NUP88: variants seen among roughly 807,000 people sequenced by gnomAD.
NUP88 encodes the protein nuclear pore complex protein Nup88.
NUP88 carries 57 observed loss-of-function variants against 93.9 expected under a neutral mutation model. That is an observed-to-expected ratio of 0.61 (90% CI 0.49 to 0.76). The LOEUF is 0.76. NUP88 is among the 30% of genes least tolerant of loss of function. The pLI is 0.00. For synonymous variants in NUP88, 346 were observed against 336.8 expected (o/e 1.03, Z -0.30); for missense variants, 911 against 901.0 (o/e 1.01, Z -0.14).
intron 8 of NUP88, among the ~76,000 whole-genome samples, chr17:5,398,949 C>G (rs1435807007): frequency 4.2e-5 from 6 of 143,080 alleles, no homozygotes; most frequent in South Asian, 2.3e-4. Context: ...AGTGCAGTGG[C>G]GTGATCTTGG....
At chr17:5,391,526 CAA>C in intron 10 of NUP88, 33 bp downstream of exon 10, 1 of 1,533,742 alleles carries the variant, frequency 6.5e-7, no homozygotes, top group Non-Finnish European at 9.0e-7. Context: ...GCAGAATTAA[CAA>C]GAGCTGTGTG....
At position 5,398,622 on chromosome 17, in the gene NUP88, G is replaced by A. The variant is rs1365645737; in HGVS notation, c.1291+930C>T. ...TTTTTTTTTTTTGAGACAGAGTCTC[G>A]CTCTGTCGCCTGGGCTGGAGTGCAG... On this transcript the variant is annotated intron_variant, in intron 8 of 16. Transcript: ENST00000573584. 2.4e-4 allele frequency among the ~76,000 whole-genome samples: 35 copies of A among 147,412 alleles called. 1 individual carries two copies. The highest frequency in any genetic ancestry group is 2.2e-3 in the Admixed American group (32 of 14,672).
At chr17:5,394,819 C>T (rs575579512) in intron 9 of NUP88, 72 bp downstream of exon 9, 47 of 1,015,560 alleles carry the variant, frequency 4.6e-5, no homozygotes, top group African/African-American at 3.2e-4. Flanking sequence ...GTGAGTGTAA[C>T]GGATACAAAC....
At position 5,385,007 on chromosome 17, in the gene NUP88, C is replaced by T. The variant is rs1911830157; in HGVS notation, c.*1199G>A. On this transcript the variant is annotated 3_prime_UTR_variant, in exon 17 of 17. Transcript: ENST00000573584. Reference sequence around the variant, plus strand: ...TCTGAACTGACTGAACTAGAGCTTGCAGTGAAGTGTTCTGCTGAGACTGAG... The same window carrying T: ...TCTGAACTGACTGAACTAGAGCTTGTAGTGAAGTGTTCTGCTGAGACTGAG... 8.8e-6 allele frequency: 2 copies of T among 228,548 alleles called. No individual in the cohort carries two copies. Among genetic ancestry groups the T allele is most frequent in the Non-Finnish European group, 1.7e-5 (2 of 115,268 alleles). The allele number at this position is 228,548 out of a possible 1,614,324, so 14.2% of individuals were successfully genotyped here. A position where few individuals can be genotyped will look rare whatever the true frequency, so the allele number is the denominator to read the frequency against.
chr17:5,404,481 G>C (rs1218638457), intron 6 of NUP88, among the ~76,000 whole-genome samples: 1 of 152,106 alleles, frequency 6.6e-6, no homozygotes, highest in African/African-American at 2.4e-5. Context: ...GGGCGTGGTG[G>C]TGGGTGCCTG....
intron 10 of NUP88, among the ~76,000 whole-genome samples, chr17:5,390,420 C>T (rs1256533406): frequency 6.6e-6 from 1 of 152,060 alleles, no homozygotes; most frequent in Non-Finnish European, 1.5e-5. Context: ...CCAGATAGTA[C>T]AACTTAATCA....
intron 11 of NUP88, 153 bp from the exon 12 acceptor site, chr17:5,388,057 T>C (rs2003466): frequency 1.6e-5 from 11 of 700,854 alleles, no homozygotes; most frequent in Admixed American, 6.3e-5. Context: ...CTGGAGTGCA[T>C]TGGTGCTATC....
chr17:5,391,784 G>T, intron 9 of NUP88, 122 bp from the exon 10 acceptor site: 2 of 709,014 alleles, frequency 2.8e-6, no homozygotes, highest in Admixed American at 2.2e-5. Flanking sequence ...CATCCTATCA[G>T]TACCATAACC....
At chr17:5,413,201 G>A (rs962080105) in intron 3 of NUP88, among the ~76,000 whole-genome samples, 2 of 152,006 alleles carry the variant, frequency 1.3e-5, no homozygotes, top group African/African-American at 4.8e-5. Flanking sequence ...CGAACTCAGG[G>A]GCTCAAATGA....
In NUP88 at chr17:5,408,763, G is replaced by C. The variant is rs1169957804; in HGVS notation, c.827C>G (p.Thr276Ser). The C allele has an allele frequency of 3.1e-6, 5 of 1,610,146 alleles. No homozygotes were observed. The highest frequency in any genetic ancestry group is 4.2e-6 in the Non-Finnish European group (5 of 1,178,852). The change falls in exon 5 of 17, where the codon ACT (threonine) becomes AGT (serine). Residue 276 changes from threonine to serine, a missense_variant. By Grantham distance (58) the Thr-to-Ser change is moderately conservative. Coordinates refer to ENST00000573584, the MANE Select transcript of NUP88 (RefSeq NM_002532.6). The part of the protein sequence containing the change: ...PLYILYENGE[T>S]FLTYISLLHS... Reference sequence around the variant, plus strand: ...TAACAGACTGATGTATGTCAGGAAAGTCTCTCCATTTTCATATAAGATGTA... The same window carrying C: ...TAACAGACTGATGTATGTCAGGAAACTCTCTCCATTTTCATATAAGATGTA...
chr17:5,413,633 A>G (rs1171597855), intron 3 of NUP88, among the ~76,000 whole-genome samples: 2 of 152,222 alleles, frequency 1.3e-5, no homozygotes, highest in African/African-American at 4.8e-5. Context: ...ACCCCTAAAA[A>G]GCTCAAGATC....
At position 5,402,307 on chromosome 17, in the gene NUP88, C is replaced by CA. The variant is rs61030115; in HGVS notation, c.1192+1791dup. On this transcript the variant is annotated intron_variant, in intron 7 of 16. Transcript: ENST00000573584. ...GGGCAACAGGAGCAAAACTCCATCT[C>CA]AAAAAAAAAAACAAAAAACAAAATA... Among the ~76,000 whole-genome samples, 1,231 of 145,566 alleles carry CA rather than the reference C, an allele frequency of 8.5e-3. 7 individuals are homozygous for CA. The highest frequency in any genetic ancestry group is 0.031 in the Middle Eastern group (9 of 288).
In NUP88 at chr17:5,387,115, AG is replaced by A; in HGVS notation, c.1917-6del. 6.2e-7 allele frequency: 1 copy of A among 1,612,712 alleles called. No homozygotes were observed. The highest frequency in any genetic ancestry group is 1.1e-5 in the South Asian group (1 of 90,682). On this transcript the variant is annotated splice_polypyrimidine_tract_variant and splice_region_variant and intron_variant, in intron 14 of 16. Coordinates refer to ENST00000573584, the MANE Select transcript of NUP88 (RefSeq NM_002532.6). Reference sequence around the variant, plus strand: ...CTGTGAAGTAGTTTTTTCATCCTTTAGAAAAGGCAAGCAAACATCTCAATTT... The same window carrying A: ...CTGTGAAGTAGTTTTTTCATCCTTTAAAAAGGCAAGCAAACATCTCAATTT...
intron 9 of NUP88, 62 bp downstream of exon 9, chr17:5,394,829 C>T (rs1597318500): frequency 8.0e-6 from 9 of 1,118,858 alleles, no homozygotes; most frequent in Middle Eastern, 1.9e-4. Context: ...CGGATACAAA[C>T]GTATCTGAAC....
chr17:5,408,966 G>C (rs1913662734), intron 4 of NUP88, 57 bp from the exon 5 acceptor site: 5 of 1,438,906 alleles, frequency 3.5e-6, no homozygotes, highest in Non-Finnish European at 4.6e-6. Context: ...AAAGTAAAAA[G>C]AAAAACAAAA....
intron 2 of NUP88, among the ~76,000 whole-genome samples, chr17:5,415,808 A>G (rs1052109408): frequency 2.6e-4 from 40 of 152,140 alleles, no homozygotes; most frequent in African/African-American, 8.4e-4. Context: ...TCTTTTCAGT[A>G]GATCTTTCAG....
In NUP88 at chr17:5,387,882, G is replaced by A. The variant is rs1192295032; in HGVS notation, c.1666C>T (p.Pro556Ser). ...AGCTGAAGGCATTCTTCAGGAGGAGGGGCTATGTCCTTTTCAGAAGCTCTT... is the reference window on the plus strand; with the variant it reads ...AGCTGAAGGCATTCTTCAGGAGGAGAGGCTATGTCCTTTTCAGAAGCTCTT... The part of the protein sequence containing the change: ...FLKASEKDIA[P>S]PPEECLQLLS... The change falls in exon 12 of 17, where the codon CCT becomes TCT. Residue 556 changes from proline to serine, a missense_variant. Transcript: ENST00000573584. The A allele has an allele frequency of 6.2e-7, 1 of 1,613,734 alleles. No individual in the cohort carries two copies. The highest frequency in any genetic ancestry group is 8.5e-7 in the Non-Finnish European group (1 of 1,179,772).
Position 5,386,027 on chromosome 17 carries a change from T to C in NUP88, c.*179A>G. ...TGTAGGCTTGAGTTATAAAGCACATTCCAAATTTTAAATAAAAGCATTTAC... is the reference window on the plus strand; with the variant it reads ...TGTAGGCTTGAGTTATAAAGCACATCCCAAATTTTAAATAAAAGCATTTAC... On this transcript the variant is annotated 3_prime_UTR_variant, in exon 17 of 17. Transcript: ENST00000573584. The C allele has an allele frequency of 1.8e-6, 1 of 553,576 alleles. No homozygotes were observed. The highest frequency in any genetic ancestry group is 3.6e-5 in the Admixed American group (1 of 27,694). 34.3% of individuals were successfully genotyped at this position (553,576 alleles called of 1,614,324 possible).
At chr17:5,387,230 G>T in intron 14 of NUP88, 120 bp from the exon 15 acceptor site, 1 of 1,308,264 alleles carries the variant, frequency 7.6e-7, no homozygotes, top group Non-Finnish European at 1.1e-6. Context: ...GGAAGGGTTA[G>T]GGGAGAGCCT....
Sources: gnomAD v4.1 joint callset for allele counts (sites outside exome capture counted in the v4.1 genomes callset) on GRCh38, gnomAD v4.1.1 for gene constraint, MANE v1.5 for transcripts, NCBI Gene and HGNC (gene_info 2026-07-23, HGNC 2026-07-21) for gene names.